Variants in UHMK1 observed in about 807,000 individuals in gnomAD.
UHMK1 encodes the protein serine/threonine-protein kinase Kist.
In UHMK1, 18 loss-of-function variants were observed where a neutral mutation model predicts 44.0. That is an observed-to-expected ratio of 0.41 (90% CI 0.28 to 0.61). The LOEUF is 0.61. Among genes scored for constraint, UHMK1 ranks in the 20% least tolerant of loss-of-function variants. The probability of loss-of-function intolerance (pLI) is 0.31; values close to 1 mark genes in which losing one functional copy is unlikely to be tolerated. For missense variants in UHMK1, 463 were observed against 522.5 expected (o/e 0.89, Z 1.11); for synonymous variants, 231 against 198.5 (o/e 1.16, Z -1.38).
chr1:162,508,561 G>A (rs1651556613), intron 4 of UHMK1, among the ~76,000 whole-genome samples: 1 of 151,712 alleles, frequency 6.6e-6, no homozygotes, highest in South Asian at 2.1e-4. Flanking sequence ...ATTTAGCTGG[G>A]CCTAGCAGCA....
intron 1 of UHMK1, among the ~76,000 whole-genome samples, chr1:162,499,721 C>G (rs909166226): frequency 6.6e-6 from 1 of 152,034 alleles, no homozygotes; most frequent in African/African-American, 2.4e-5. Context: ...AATAATTGTA[C>G]CATATTTAGT....
At chr1:162,505,720 A>G (rs1651444383) in intron 4 of UHMK1, among the ~76,000 whole-genome samples, 1 of 152,226 alleles carries the variant, frequency 6.6e-6, no homozygotes, top group Admixed American at 6.5e-5. Context: ...AGATTTCTAG[A>G]CTATGGACTG....
rs1287839304 is a variant in UHMK1, at chr1:162,528,020, TCA to T, written c.*5472_*5473del. 6.6e-6 allele frequency: 1 copy of T among 152,004 alleles called. No homozygotes were observed. Among genetic ancestry groups the T allele is most frequent in the African/African-American group, 2.4e-5 (1 of 41,422 alleles). 9.4% of individuals were successfully genotyped at this position (152,004 alleles called of 1,614,324 possible). On this transcript the variant is annotated 3_prime_UTR_variant, in exon 8 of 8. Transcript: ENST00000489294. ...CTATCAACAAGATAATTATTTGTAA[TCA>T]CTTTTTTATCCCAGGTTGGAATTGC... is the stretch of plus-strand genomic sequence containing the variant.
chr1:162,508,807 C>CTTCTT (rs147718777), intron 4 of UHMK1, among the ~76,000 whole-genome samples: 1 of 150,442 alleles, frequency 6.6e-6, no homozygotes, highest in Non-Finnish European at 1.5e-5. Flanking sequence ...TTTTCTTTCT[C>CTTCTT]TTCTTTTCTT....
chr1:162,517,935 G>C (rs913819179), intron 6 of UHMK1, among the ~76,000 whole-genome samples, 167 bp from the exon 7 acceptor site: 1 of 152,082 alleles, frequency 6.6e-6, no homozygotes, highest in East Asian at 1.9e-4. Context: ...GAAGGTGGAA[G>C]ACTATTATTT....
rs2101687323 is a variant in UHMK1 at position 162,522,552 on chromosome 1, C to T, written c.*2C>T. 1 of 1,613,584 alleles carries T rather than the reference C, an allele frequency of 6.2e-7. No individual in the cohort carries two copies. Among genetic ancestry groups the T allele is most frequent in the Non-Finnish European group, 8.5e-7 (1 of 1,179,810 alleles). On this transcript the variant is annotated 3_prime_UTR_variant, in exon 8 of 8. Transcript: ENST00000489294. ...TATCTGTATCAAACCTTGCTTTAATCAGTAACCTAAGGACTGTTTCCTTTT... is the reference window on the plus strand; with the variant it reads ...TATCTGTATCAAACCTTGCTTTAATTAGTAACCTAAGGACTGTTTCCTTTT...
At chr1:162,510,396 G>C (rs1034791752) in intron 4 of UHMK1, among the ~76,000 whole-genome samples, 1 of 152,090 alleles carries the variant, frequency 6.6e-6, no homozygotes, top group Non-Finnish European at 1.5e-5. Flanking sequence ...CCCCCACCCA[G>C]CCTCTGGTAA....
In UHMK1 at chr1:162,527,564, GT is replaced by G. The variant is rs1571025332; in HGVS notation, c.*5018del. On this transcript the variant is annotated 3_prime_UTR_variant, in exon 8 of 8. Coordinates refer to ENST00000489294, the MANE Select transcript of UHMK1 (RefSeq NM_175866.5). Reference sequence around the variant, plus strand: ...CCTTGTACTGCTTATGAGGATTAATGTTTTAAATTTGCTTTATTTGTGCTTT... The same window carrying G: ...CCTTGTACTGCTTATGAGGATTAATGTTTAAATTTGCTTTATTTGTGCTTT... 2 of 152,148 alleles carry G rather than the reference GT, an allele frequency of 1.3e-5. No individual in the cohort carries two copies. Among genetic ancestry groups the G allele is most frequent in the East Asian group, 3.9e-4 (2 of 5,186 alleles). 9.4% of individuals were successfully genotyped at this position (152,148 alleles called of 1,614,324 possible).
intron 4 of UHMK1, among the ~76,000 whole-genome samples, chr1:162,508,096 A>G (rs1400003234): frequency 4.0e-5 from 6 of 151,576 alleles, no homozygotes; most frequent in Admixed American, 2.0e-4. Context: ...GTTTTTTAAA[A>G]ATGTCTAGCT....
intron 3 of UHMK1, among the ~76,000 whole-genome samples, chr1:162,502,346 TC>T (rs1651301379): frequency 2.0e-5 from 3 of 152,252 alleles, no homozygotes; most frequent in African/African-American, 7.2e-5. Context: ...GTCACTGATT[TC>T]CATTGTAGCA....
At position 162,526,105 on chromosome 1, in the gene UHMK1, A is replaced by G. The variant is rs1652239192; in HGVS notation, c.*3555A>G. 6.6e-6 allele frequency: 1 copy of G among 152,136 alleles called. No homozygotes were observed. Among genetic ancestry groups the G allele is most frequent in the Admixed American group, 6.6e-5 (1 of 15,250 alleles). The allele number at this position is 152,136 out of a possible 1,614,324, so 9.4% of individuals were successfully genotyped here. ...GTAAGGGCATCAGTTACTTTTCTGG[A>G]ATAAAAGGCGGAGTTAGAGCACTTA... On this transcript the variant is annotated 3_prime_UTR_variant, in exon 8 of 8. Coordinates refer to ENST00000489294, the MANE Select transcript of UHMK1 (RefSeq NM_175866.5).
intron 1 of UHMK1, 140 bp downstream of exon 1, chr1:162,498,408 C>T (rs1158766926): frequency 9.4e-7 from 1 of 1,061,076 alleles, no homozygotes; most frequent in Non-Finnish European, 1.3e-6. Flanking sequence ...ATCCAGGCCC[C>T]TTTCCCCTTT....
rs1353219940 is a variant in UHMK1 at position 162,498,146 on chromosome 1, C to T, written c.146C>T (p.Pro49Leu). ...RVRCCGNPGS[P>L]PGALKQFLPP... ...CGCTGCTGCGGCAACCCTGGCTCGCCCCCCGGCGCCCTCAAGCAGTTCTTG... is the reference window on the plus strand; with the variant it reads ...CGCTGCTGCGGCAACCCTGGCTCGCTCCCCGGCGCCCTCAAGCAGTTCTTG... The change falls in exon 1 of 8, where the codon CCC (proline) becomes CTC (leucine). Residue 49 changes from proline (P) to leucine (L), a missense_variant. This residue lies in a region of UHMK1 where 191 missense variants were observed against 176.0 expected (regional missense o/e 1.09). Coordinates refer to ENST00000489294, the MANE Select transcript of UHMK1 (RefSeq NM_175866.5). 2 of 1,612,902 alleles carry T rather than the reference C, an allele frequency of 1.2e-6. No individual in the cohort carries two copies. The highest frequency in any genetic ancestry group is 1.7e-6 in the Non-Finnish European group (2 of 1,179,680).
Position 162,526,065 on chromosome 1 carries a change from T to C in UHMK1, c.*3515T>C, listed in dbSNP as rs1652237137. On this transcript the variant is annotated 3_prime_UTR_variant, in exon 8 of 8. Coordinates refer to ENST00000489294, the MANE Select transcript of UHMK1 (RefSeq NM_175866.5). The stretch of plus-strand genomic sequence containing the variant: ...AAGGCTTTTTTCTGTCTTATTACAC[T>C]GGACCTTCACTCTGGTAAGGGCATC... The C allele has an allele frequency of 6.6e-6, 1 of 152,178 alleles. No homozygotes were observed. The highest frequency in any genetic ancestry group is 1.5e-5 in the Non-Finnish European group (1 of 68,024). The allele number at this position is 152,178 out of a possible 1,614,324, so 9.4% of individuals were successfully genotyped here.
rs1652113879 is a variant in UHMK1, at chr1:162,522,948, G to A, written c.*398G>A. ...CATTTACAGATTATTTCTTTATGTT[G>A]TCCAGTGGTTCTTCCTTATTGTTGA... On this transcript the variant is annotated 3_prime_UTR_variant, in exon 8 of 8. Coordinates refer to ENST00000489294, the MANE Select transcript of UHMK1 (RefSeq NM_175866.5). 1.2e-5 allele frequency: 2 copies of A among 163,972 alleles called. No individual in the cohort carries two copies. The allele number at this position is 163,972 out of a possible 1,614,324, so 10.2% of individuals were successfully genotyped here. A position where few individuals can be genotyped will look rare whatever the true frequency, so the allele number is the denominator to read the frequency against.
intron 4 of UHMK1, among the ~76,000 whole-genome samples, chr1:162,510,235 C>T (rs1651619788): frequency 6.6e-6 from 1 of 152,024 alleles, no homozygotes; most frequent in Non-Finnish European, 1.5e-5. Flanking sequence ...AACATTCACT[C>T]CCTATGTTTT....
chr1:162,513,865 G>T (rs1042051201), intron 6 of UHMK1, among the ~76,000 whole-genome samples: 1 of 152,186 alleles, frequency 6.6e-6, no homozygotes, highest in African/African-American at 2.4e-5. Flanking sequence ...TTTGCGTCAG[G>T]TATAGAATAA....
intron 6 of UHMK1, among the ~76,000 whole-genome samples, chr1:162,513,259 A>G (rs1351293289): frequency 6.6e-6 from 1 of 152,144 alleles, no homozygotes; most frequent in Non-Finnish European, 1.5e-5. Flanking sequence ...TTTAATTCAT[A>G]ATGTCCTTTT....
chr1:162,518,121 AG>A lies in UHMK1; in HGVS notation c.1045del (p.Glu349ArgfsTer41), dbSNP rs751816585. The A allele has an allele frequency of 6.2e-7, 1 of 1,612,744 alleles. No homozygotes were observed. The highest frequency in any genetic ancestry group is 2.2e-5 in the East Asian group (1 of 44,750). ...AATCAGATGTTGTAGAAGATGTAAA[AG>A]AGGAGTGTCAAAAATATGGACCAGT... ...EYEDVVEDVK[E>X]ECQKYGPVVS... On this transcript the variant is annotated frameshift_variant, in exon 7 of 8. Coordinates refer to ENST00000489294, the MANE Select transcript of UHMK1 (RefSeq NM_175866.5). LOFTEE classifies it high-confidence loss of function.
Sources: gnomAD v4.1 joint callset for allele counts (sites outside exome capture counted in the v4.1 genomes callset) on GRCh38, gnomAD v4.1.1 for gene constraint, gnomAD v4.1.1 regional missense constraint, MANE v1.5 for transcripts, NCBI Gene and HGNC (gene_info 2026-07-23, HGNC 2026-07-21) for gene names.